Variants in LRTM1 observed in about 807,000 individuals in gnomAD.
The protein encoded by LRTM1 is leucine-rich repeat and transmembrane domain-containing protein 1.
A neutral mutation model predicts 32.4 loss-of-function variants in LRTM1; 38 were observed. That is an observed-to-expected ratio of 1.17 (90% CI 0.91 to 1.54). LRTM1 has a LOEUF of 1.54. Among genes scored for constraint, LRTM1 ranks in the 40% most tolerant of loss-of-function variants. The probability of loss-of-function intolerance (pLI) is 0.00; values close to 1 mark genes in which losing one functional copy is unlikely to be tolerated. For missense variants in LRTM1, 466 were observed against 415.4 expected, an observed-to-expected ratio of 1.12 and a Z score of -1.06; for synonymous variants, 186 against 169.9, an observed-to-expected ratio of 1.09 and a Z score of -0.74.
At position 54,928,049 on chromosome 3, in the gene LRTM1, A is replaced by C. The variant is rs761085126; in HGVS notation, c.-138T>G. ...TGAACCCTGCCCTTGCTTTTCTTCA[A>C]TGCAGAAAACAGTTGTTGCTTTCAA... On this transcript the variant is annotated 5_prime_UTR_variant, in exon 1 of 3. Coordinates refer to ENST00000273286, the MANE Select transcript of LRTM1 (RefSeq NM_020678.4). 59 of 776,256 alleles carry C rather than the reference A, an allele frequency of 7.6e-5. 1 individual carries two copies. The highest frequency in any genetic ancestry group is 1.1e-4 in the Non-Finnish European group (52 of 453,160). The allele number at this position is 776,256 out of a possible 1,614,324, so 48.1% of individuals were successfully genotyped here. A position where few individuals can be genotyped will look rare whatever the true frequency, so the allele number is the denominator to read the frequency against.
At chr3:54,950,358 G>A (rs1515954) in intron 1 of LRTM1, among the ~76,000 whole-genome samples, 79,571 of 151,992 alleles carry the variant, frequency 0.52, 21,357 homozygotes, top group East Asian at 0.77. Context: ...CTTTTAATCT[G>A]CTGAGGGCTC....
At chr3:54,958,657 G>T (rs1480936311) in intron 1 of LRTM1, among the ~76,000 whole-genome samples, 1 of 152,160 alleles carries the variant, frequency 6.6e-6, no homozygotes, top group Non-Finnish European at 1.5e-5. Context: ...GTTGATGGAG[G>T]TGGCCTTGGT....
chr3:54,951,096 C>A (rs1701745460), intron 1 of LRTM1, among the ~76,000 whole-genome samples: 1 of 152,176 alleles, frequency 6.6e-6, no homozygotes, highest in East Asian at 1.9e-4. Context: ...CTACAGAACG[C>A]TCCAACTATA....
intron 1 of LRTM1, among the ~76,000 whole-genome samples, chr3:54,933,805 C>T (rs894665724): frequency 3.3e-5 from 5 of 150,420 alleles, no homozygotes; most frequent in African/African-American, 1.2e-4. Context: ...GTCATCCAGG[C>T]CACTGCAGGC....
intron 1 of LRTM1, among the ~76,000 whole-genome samples, chr3:54,959,057 C>T (rs550604574): frequency 2.6e-4 from 39 of 151,926 alleles, no homozygotes; most frequent in African/African-American, 7.0e-4. Context: ...GCCATGATCG[C>T]GCCACTGCAC....
intron 1 of LRTM1, among the ~76,000 whole-genome samples, chr3:54,947,640 A>C (rs555007181): frequency 1.4e-4 from 21 of 152,274 alleles, no homozygotes; most frequent in African/African-American, 5.1e-4. Flanking sequence ...ACTTAGTAGC[A>C]GGCAAAGGAA....
At chr3:54,924,550 A>G (rs769241590) in intron 2 of LRTM1, 69 bp downstream of exon 2, 2 of 1,263,038 alleles carry the variant, frequency 1.6e-6, no homozygotes, top group Non-Finnish European at 2.2e-6. Context: ...TTTCTAATGC[A>G]GAGAACAGAT....
chr3:54,921,744 C>G (rs1023615153), intron 2 of LRTM1, among the ~76,000 whole-genome samples: 5 of 152,108 alleles, frequency 3.3e-5, no homozygotes, highest in African/African-American at 1.2e-4. Context: ...CTCGAGGGGT[C>G]TTATGTCCCT....
At chr3:54,935,229 G>A (rs1701299693) in intron 1 of LRTM1, among the ~76,000 whole-genome samples, 1 of 152,164 alleles carries the variant, frequency 6.6e-6, no homozygotes, top group Non-Finnish European at 1.5e-5. Flanking sequence ...TACCTCTGGG[G>A]TAGACTTGCA....
upstream of LRTM1, among the ~76,000 whole-genome samples, chr3:54,932,437 A>C (rs1010068789): frequency 5.3e-5 from 8 of 152,194 alleles, no homozygotes; most frequent in Admixed American, 1.3e-4. Flanking sequence ...GAGACTAAAG[A>C]AAAAGAGGGG....
upstream of LRTM1, among the ~76,000 whole-genome samples, chr3:54,928,606 T>C (rs955851143): frequency 3.3e-5 from 5 of 152,314 alleles, no homozygotes; most frequent in African/African-American, 9.6e-5. Context: ...CTGAAATTCA[T>C]AGCCATGGTT....
At chr3:54,953,896 G>A (rs3821659) in intron 1 of LRTM1, among the ~76,000 whole-genome samples, 61,452 of 151,998 alleles carry the variant, frequency 0.4, 13,944 homozygotes, top group East Asian at 0.74. Context: ...AGCCTCTTGA[G>A]GTCACCCCGT....
intron 1 of LRTM1, among the ~76,000 whole-genome samples, chr3:54,959,325 C>G (rs1486208840): frequency 6.6e-6 from 1 of 152,152 alleles, no homozygotes; most frequent in Non-Finnish European, 1.5e-5. Context: ...TCAGGTCCCT[C>G]CAGGGAGCTG....
At position 54,918,487 on chromosome 3, in the gene LRTM1, TTTTC is replaced by T. The variant is rs1315407128; in HGVS notation, c.1006_1009del (p.Glu336LysfsTer16). 5.0e-6 allele frequency: 8 copies of T among 1,613,736 alleles called. No homozygotes were observed. Among genetic ancestry groups the T allele is most frequent in the Middle Eastern group, 3.3e-4 (2 of 6,084 alleles). ...GGCTGGTGAGCTGTCAAATCGCTCT[TTTTC>T]TTCCACCTTCCCAGGATCATTGGTT... On this transcript the variant is annotated frameshift_variant, in exon 3 of 3. Transcript: ENST00000273286. LOFTEE classifies it high-confidence loss of function.
At chr3:54,945,244 G>A (rs1701583462) in intron 1 of LRTM1, among the ~76,000 whole-genome samples, 1 of 152,202 alleles carries the variant, frequency 6.6e-6, no homozygotes, top group Admixed American at 6.5e-5. Context: ...GGCATGTGCA[G>A]CAGAATACAT....
chr3:54,926,150 C>G (rs1701008754), intron 1 of LRTM1, among the ~76,000 whole-genome samples: 1 of 152,090 alleles, frequency 6.6e-6, no homozygotes, highest in Non-Finnish European at 1.5e-5. Flanking sequence ...ATGTATCCCT[C>G]CAGACATTTT....
intron 1 of LRTM1, among the ~76,000 whole-genome samples, chr3:54,942,433 G>A (rs779825409): frequency 1.3e-5 from 2 of 152,174 alleles, no homozygotes; most frequent in Non-Finnish European, 2.9e-5. Context: ...AAGCGAAGAG[G>A]GAAATAGTTT....
chr3:54,963,939 A>G (rs1702088614), intron 1 of LRTM1, among the ~76,000 whole-genome samples: 1 of 152,236 alleles, frequency 6.6e-6, no homozygotes, highest in Non-Finnish European at 1.5e-5. Flanking sequence ...AAGTTTCGAT[A>G]TCTGTAGTTA....
At chr3:54,935,936 CT>C (rs1701317862) in intron 1 of LRTM1, among the ~76,000 whole-genome samples, 1 of 152,178 alleles carries the variant, frequency 6.6e-6, no homozygotes, top group South Asian at 2.1e-4. Context: ...CAGGAATCCC[CT>C]TTGTGAGTCC....
Sources: gnomAD v4.1 joint callset for allele counts (sites outside exome capture counted in the v4.1 genomes callset) on GRCh38, gnomAD v4.1.1 for gene constraint, MANE v1.5 for transcripts, NCBI Gene and HGNC (gene_info 2026-07-23, HGNC 2026-07-21) for gene names.